Variants in ARHGAP17 observed in about 807,000 individuals in gnomAD.
ARHGAP17 encodes the protein rho GTPase-activating protein 17.
A neutral mutation model predicts 99.5 loss-of-function variants in ARHGAP17; 57 were observed. The ratio of observed to expected loss-of-function variants is 0.57; its 90% CI spans 0.46 to 0.71. ARHGAP17 has a LOEUF of 0.71. Among genes scored for constraint, ARHGAP17 ranks in the 30% least tolerant of loss-of-function variants. ARHGAP17 has a pLI of 0.00. For missense variants in ARHGAP17, 1,000 were observed against 1,122.4 expected (o/e 0.89, Z 1.56); for synonymous variants, 417 against 429.6 (o/e 0.97, Z 0.36).
Position 24,920,173 on chromosome 16 carries a change from A to C in ARHGAP17, c.2603T>G (p.Ile868Ser). 1 of 1,614,152 alleles carries C rather than the reference A, an allele frequency of 6.2e-7. No homozygotes were observed. The highest frequency in any genetic ancestry group is 8.5e-7 in the Non-Finnish European group (1 of 1,180,020). Residue 868 changes from isoleucine to serine, a missense_variant, in exon 20 of 20, where the codon ATC (isoleucine) becomes AGC (serine). Physicochemically the swap from Ile to Ser is moderately radical, Grantham distance 142. Around this residue, in one of 2 missense-constraint regions of ARHGAP17, gnomAD observed 528 missense variants for 511.4 expected, o/e 1.03. Transcript: ENST00000289968. ...GGTATCATTGTCTATATCCAGCAGG[A>C]TGCGGCCAGGCACGTCTTTGCTGGC... The part of the protein sequence containing the change: ...DSASKDVPGR[I>S]LLDIDNDTES...
At chr16:24,986,378 C>T (rs1859138539) in intron 1 of ARHGAP17, among the ~76,000 whole-genome samples, 1 of 141,500 alleles carries the variant, frequency 7.1e-6, no homozygotes, top group Non-Finnish European at 1.5e-5. Context: ...CTTAGTTTAT[C>T]TAAACCAGGG....
intron 13 of ARHGAP17, chr16:24,949,080 T>C (rs560520121): frequency 9.6e-6 from 2 of 208,598 alleles, no homozygotes; most frequent in Admixed American, 1.1e-4. Flanking sequence ...ATTTTGCCTT[T>C]TAACATACTG....
intron 19 of ARHGAP17, among the ~76,000 whole-genome samples, chr16:24,927,291 A>T (rs1427774924): frequency 6.6e-6 from 1 of 152,198 alleles, no homozygotes; most frequent in African/African-American, 2.4e-5. Flanking sequence ...TTTCATCTTC[A>T]ACAATTTAGA....
chr16:24,993,635 G>A (rs1294702593), intron 1 of ARHGAP17, among the ~76,000 whole-genome samples: 1 of 151,864 alleles, frequency 6.6e-6, no homozygotes. Context: ...ACCCATACAG[G>A]GCAATTTTTA....
At chr16:25,015,184 C>T in intron 1 of ARHGAP17, 25 bp downstream of exon 1, 1 of 1,293,530 alleles carries the variant, frequency 7.7e-7, no homozygotes, top group African/African-American at 1.6e-5. Context: ...CCCGGTGCGA[C>T]CCCCGTGCTG....
chr16:24,989,363 C>G (rs755967782), intron 1 of ARHGAP17, among the ~76,000 whole-genome samples: 5 of 152,198 alleles, frequency 3.3e-5, no homozygotes, highest in Admixed American at 6.5e-5. Flanking sequence ...CACAGATTAT[C>G]TAAGAGACAG....
At chr16:25,009,991 CACAGG>C (rs928653454) in intron 1 of ARHGAP17, among the ~76,000 whole-genome samples, 3 of 152,122 alleles carry the variant, frequency 2.0e-5, no homozygotes, top group Non-Finnish European at 2.9e-5. Context: ...ACTTGGGAAC[CACAGG>C]AAGAGGCCCT....
chr16:24,975,436 A>G (rs2052486606), intron 3 of ARHGAP17, among the ~76,000 whole-genome samples: 1 of 152,238 alleles, frequency 6.6e-6, no homozygotes, highest in Non-Finnish European at 1.5e-5. Flanking sequence ...AAGGGTAAGC[A>G]GAGCAGAAGA....
intron 17 of ARHGAP17, among the ~76,000 whole-genome samples, chr16:24,938,773 G>GAAA (rs111587139): frequency 3.7e-5 from 3 of 81,168 alleles, no homozygotes; most frequent in Non-Finnish European, 8.6e-5. Flanking sequence ...CGCAGTCTCA[G>GAAA]AAAAAAAAAA....
chr16:24,945,135 A>G (rs112722093), intron 14 of ARHGAP17, among the ~76,000 whole-genome samples: 37,348 of 151,514 alleles, frequency 0.25, 9,375 homozygotes, highest in African/African-American at 0.65. Flanking sequence ...ACCAGCCTGG[A>G]CAACATAGTG....
intron 1 of ARHGAP17, among the ~76,000 whole-genome samples, chr16:25,004,325 A>T (rs2053450555): frequency 6.6e-6 from 1 of 152,186 alleles, no homozygotes; most frequent in African/African-American, 2.4e-5. Context: ...CTGAACCCCC[A>T]GGCACATCTC....
chr16:24,958,912 C>T (rs926975357), intron 9 of ARHGAP17, among the ~76,000 whole-genome samples: 2 of 152,014 alleles, frequency 1.3e-5, no homozygotes, highest in African/African-American at 2.4e-5. Context: ...GATCCAAAGA[C>T]GGCCGAGCAA....
At chr16:24,933,268 G>A (rs1249522461) in intron 18 of ARHGAP17, among the ~76,000 whole-genome samples, 1 of 151,974 alleles carries the variant, frequency 6.6e-6, no homozygotes, top group East Asian at 1.9e-4. Context: ...ACTGGCTGAG[G>A]CAGGAAGATC....
chr16:24,928,853 T>C (rs1031435536), intron 19 of ARHGAP17, among the ~76,000 whole-genome samples: 1 of 152,246 alleles, frequency 6.6e-6, no homozygotes. Flanking sequence ...AACGTAAGCA[T>C]GCTAGGATGC....
At chr16:24,963,240 A>G (rs2052066889) in intron 7 of ARHGAP17, among the ~76,000 whole-genome samples, 1 of 152,256 alleles carries the variant, frequency 6.6e-6, no homozygotes, top group South Asian at 2.1e-4. Context: ...TCTTTTAAAC[A>G]TAAAAACTTT....
At chr16:25,001,402 G>T (rs1379246918) in intron 1 of ARHGAP17, among the ~76,000 whole-genome samples, 2 of 151,998 alleles carry the variant, frequency 1.3e-5, no homozygotes, top group Non-Finnish European at 2.9e-5. Flanking sequence ...ATTTATTTTT[G>T]AACCTTTAGA....
chr16:24,930,846 A>G lies in ARHGAP17; in HGVS notation c.2453T>C (p.Val818Ala). 2 of 1,613,794 alleles carry G rather than the reference A, an allele frequency of 1.2e-6. No individual in the cohort carries two copies. The highest frequency in any genetic ancestry group is 2.7e-5 in the African/African-American group (2 of 74,908). The change falls in exon 19 of 20, where the codon GTC (valine) becomes GCC (alanine). Residue 818 changes from valine to alanine, a missense_variant. Coordinates refer to ENST00000289968, the MANE Select transcript of ARHGAP17 (RefSeq NM_001006634.3). ...SVPPPPQPPGVHSAGDSSLTN... is the reference protein window; with the variant it reads ...SVPPPPQPPGAHSAGDSSLTN... Reference sequence around the variant, plus strand: ...GAGGCTGCTGTCCCCAGCTGAGTGGACACCAGGAGGTTGGGGGGGTGGGGG... The same window carrying G: ...GAGGCTGCTGTCCCCAGCTGAGTGGGCACCAGGAGGTTGGGGGGGTGGGGG...
At chr16:24,962,964 GAGA>G (rs1316227678) in intron 7 of ARHGAP17, among the ~76,000 whole-genome samples, 6 of 152,210 alleles carry the variant, frequency 3.9e-5, no homozygotes, top group African/African-American at 1.2e-4. Flanking sequence ...TGCATAGAGA[GAGA>G]AGGAGGCAGA....
chr16:24,963,780 T>G (rs1341877090), intron 7 of ARHGAP17, among the ~76,000 whole-genome samples: 1 of 152,222 alleles, frequency 6.6e-6, no homozygotes, highest in African/African-American at 2.4e-5. Context: ...TTACTGTATA[T>G]TAAATTTTAC....
Sources: allele counts gnomAD v4.1 joint callset (sites outside exome capture counted in the v4.1 genomes callset), GRCh38; gene constraint gnomAD v4.1.1; regional missense constraint gnomAD v4.1.1; transcripts MANE v1.5; gene names NCBI Gene and HGNC (gene_info 2026-07-23, HGNC 2026-07-21).